PTAR1: variants seen among roughly 807,000 people sequenced by gnomAD.
PTAR1 encodes protein prenyltransferase alpha subunit repeat containing 1.
A neutral mutation model predicts 45.5 loss-of-function variants in PTAR1; 17 were observed. The ratio of observed to expected loss-of-function variants is 0.37; its 90% CI spans 0.26 to 0.56. The LOEUF (loss-of-function observed/expected upper bound fraction) is 0.56, where lower values mean the gene tolerates loss of function less well. PTAR1 is among the 20% of genes least tolerant of loss of function. The pLI, the probability that PTAR1 is intolerant of heterozygous loss-of-function variation, is 0.77. For synonymous variants in PTAR1, 169 were observed against 171.3 expected (o/e 0.99, Z 0.11); for missense variants, 391 against 476.3 (o/e 0.82, Z 1.67).
At chr9:69,734,103 C>T (rs1026201957) in intron 4 of PTAR1, 47 bp downstream of exon 4, 2 of 1,050,800 alleles carry the variant, frequency 1.9e-6, no homozygotes, top group African/African-American at 3.1e-5. Flanking sequence ...CTTTCTCCAG[C>T]CAGTCTGAAT....
rs1824721123 is a variant in PTAR1, at chr9:69,716,207, G to C, written c.*2135C>G. ...GGCCAGAATCTGGCAACATATTTTAGTGGAATGGGCTGAACCACCCATGTC... is the reference window on the plus strand; with the variant it reads ...GGCCAGAATCTGGCAACATATTTTACTGGAATGGGCTGAACCACCCATGTC... On this transcript the variant is annotated 3_prime_UTR_variant, in exon 8 of 8. Transcript: ENST00000340434. The C allele has an allele frequency of 6.6e-6, 1 of 152,082 alleles. No individual in the cohort carries two copies. Among genetic ancestry groups the C allele is most frequent in the Non-Finnish European group, 1.5e-5 (1 of 68,002 alleles). 9.4% of individuals were successfully genotyped at this position (152,082 alleles called of 1,614,324 possible).
chr9:69,736,883 C>T (rs189389622), intron 3 of PTAR1, among the ~76,000 whole-genome samples: 2 of 152,238 alleles, frequency 1.3e-5, no homozygotes, highest in Admixed American at 1.3e-4. Flanking sequence ...GAAACAACCT[C>T]AATCAATGTT....
rs187580057 is a variant in PTAR1, at chr9:69,716,370, T to G, written c.*1972A>C. 2.6e-5 allele frequency: 4 copies of G among 152,218 alleles called. No homozygotes were observed. The highest frequency in any genetic ancestry group is 2.6e-4 in the Admixed American group (4 of 15,274). The allele number at this position is 152,218 out of a possible 1,614,324, so 9.4% of individuals were successfully genotyped here. ...GTACACAAAGGGCCATGGAATTATGTTCATAATGGTATTTTTTCATCTAAA... is the reference window on the plus strand; with the variant it reads ...GTACACAAAGGGCCATGGAATTATGGTCATAATGGTATTTTTTCATCTAAA... On this transcript the variant is annotated 3_prime_UTR_variant, in exon 8 of 8. Coordinates refer to ENST00000340434, the MANE Select transcript of PTAR1 (RefSeq NM_001099666.2).
In PTAR1 at chr9:69,723,555, G is replaced by A. The variant is rs370998856; in HGVS notation, c.718C>T (p.Arg240Cys). The A allele has an allele frequency of 9.7e-5, 157 of 1,613,566 alleles. No homozygotes were observed. The highest frequency in any genetic ancestry group is 1.3e-4 in the Non-Finnish European group (150 of 1,179,678). ...HVSDHSGFHY[R>C]QFLLKSLISQ... ...ATCAAAGACTTAAGCAAAAACTGGC[G>A]GTAGTGAAATCCACTGTGGTCTGAA... Residue 240 changes from arginine (R) to cysteine (C), a missense_variant, in exon 6 of 8, where the codon CGC becomes TGC. Around this residue, in one of 5 missense-constraint regions of PTAR1, gnomAD observed 181 missense variants for 227.7 expected, o/e 0.80. Coordinates refer to ENST00000340434, the MANE Select transcript of PTAR1 (RefSeq NM_001099666.2).
Position 69,715,987 on chromosome 9 carries a change from A to C in PTAR1, c.*2355T>G, listed in dbSNP as rs1281160078. The C allele has an allele frequency of 6.6e-6, 1 of 152,122 alleles. No homozygotes were observed. The highest frequency in any genetic ancestry group is 1.5e-5 in the Non-Finnish European group (1 of 68,000). The allele number at this position is 152,122 out of a possible 1,614,324, so 9.4% of individuals were successfully genotyped here. A position where few individuals can be genotyped will look rare whatever the true frequency, so the allele number is the denominator to read the frequency against. On this transcript the variant is annotated 3_prime_UTR_variant, in exon 8 of 8. Coordinates refer to ENST00000340434, the MANE Select transcript of PTAR1 (RefSeq NM_001099666.2). ...GGGTTAAGAGCCTTAGAAGATATGA[A>C]AATAGTTTACACACCAAAGATAGGC... is the stretch of plus-strand genomic sequence containing the variant.
At chr9:69,756,282 C>T (rs1320211710) in intron 1 of PTAR1, among the ~76,000 whole-genome samples, 1 of 152,162 alleles carries the variant, frequency 6.6e-6, no homozygotes, top group Non-Finnish European at 1.5e-5. Context: ...AGTTTAAATG[C>T]TATTGCCTCA....
intron 5 of PTAR1, among the ~76,000 whole-genome samples, chr9:69,727,021 GTA>G (rs532389802): frequency 3.8e-4 from 27 of 70,514 alleles, no homozygotes; most frequent in East Asian, 2.2e-3. Flanking sequence ...TTAAAATTGT[GTA>G]TATACACACA....
chr9:69,738,461 A>G (rs922434248), intron 3 of PTAR1, among the ~76,000 whole-genome samples: 2 of 152,112 alleles, frequency 1.3e-5, no homozygotes, highest in Middle Eastern at 3.2e-3. Flanking sequence ...ACATTTGTCT[A>G]TTGTCTCTTA....
chr9:69,746,534 GCCATTT>G (rs2134152057), intron 2 of PTAR1, among the ~76,000 whole-genome samples: 1 of 152,166 alleles, frequency 6.6e-6, no homozygotes, highest in African/African-American at 2.4e-5. Flanking sequence ...TCAACAATAC[GCCATTT>G]CCTCTGCAGT....
chr9:69,728,233 T>C (rs559607854), intron 5 of PTAR1, among the ~76,000 whole-genome samples: 100 of 152,312 alleles, frequency 6.6e-4, no homozygotes, highest in Middle Eastern at 3.4e-3. Flanking sequence ...AATATGGCTA[T>C]TAATGTTCTC....
At chr9:69,748,277 T>C (rs1295645475) in intron 2 of PTAR1, among the ~76,000 whole-genome samples, 1 of 152,036 alleles carries the variant, frequency 6.6e-6, no homozygotes, top group Non-Finnish European at 1.5e-5. Flanking sequence ...ACCAGAGAGC[T>C]CTGTCCAGAA....
At chr9:69,756,794 TA>T (rs1826798696) in intron 1 of PTAR1, among the ~76,000 whole-genome samples, 1 of 152,226 alleles carries the variant, frequency 6.6e-6, no homozygotes, top group Non-Finnish European at 1.5e-5. Flanking sequence ...ACTTTTACTA[TA>T]AACTACTTTG....
intron 3 of PTAR1, among the ~76,000 whole-genome samples, chr9:69,738,455 T>C (rs1825890358): frequency 6.6e-6 from 1 of 152,184 alleles, no homozygotes; most frequent in Non-Finnish European, 1.5e-5. Context: ...AACAGAACAT[T>C]TGTCTATTGT....
Position 69,715,337 on chromosome 9 carries a change from C to A in PTAR1, c.*3005G>T, listed in dbSNP as rs1435576940. 1 of 134,830 alleles carries A rather than the reference C, an allele frequency of 7.4e-6. No individual in the cohort carries two copies. The highest frequency in any genetic ancestry group is 1.7e-5 in the Non-Finnish European group (1 of 58,942). The allele number at this position is 134,830 out of a possible 1,614,324, so 8.4% of individuals were successfully genotyped here. A position where few individuals can be genotyped will look rare whatever the true frequency, so the allele number is the denominator to read the frequency against. ...TCTCAATCATCACTCATTCTTAACA[C>A]TCACAAACAATCTTTCTCTTCCTGT... On this transcript the variant is annotated 3_prime_UTR_variant, in exon 8 of 8. Coordinates refer to ENST00000340434, the MANE Select transcript of PTAR1 (RefSeq NM_001099666.2).
rs1214612175 is a variant in PTAR1 at position 69,717,539 on chromosome 9, A to G, written c.*803T>C. The G allele has an allele frequency of 1.3e-5, 2 of 152,192 alleles. No homozygotes were observed. The highest frequency in any genetic ancestry group is 2.9e-5 in the Non-Finnish European group (2 of 68,028). 9.4% of individuals were successfully genotyped at this position (152,192 alleles called of 1,614,324 possible). A position where few individuals can be genotyped will look rare whatever the true frequency, so the allele number is the denominator to read the frequency against. On this transcript the variant is annotated 3_prime_UTR_variant, in exon 8 of 8. Coordinates refer to ENST00000340434, the MANE Select transcript of PTAR1 (RefSeq NM_001099666.2). Reference sequence around the variant, plus strand: ...GGATTACATTGGAAGCATTTTTTTCATATAAATTCCAATACTTCTGACTTT... The same window carrying G: ...GGATTACATTGGAAGCATTTTTTTCGTATAAATTCCAATACTTCTGACTTT...
rs1288042523 is a variant in PTAR1, at chr9:69,714,412, TA to T, written c.*3929del. On this transcript the variant is annotated 3_prime_UTR_variant, in exon 8 of 8. Coordinates refer to ENST00000340434, the MANE Select transcript of PTAR1 (RefSeq NM_001099666.2). Reference sequence around the variant, plus strand: ...AACTCAGGGGAACTAAGGTAGGGATTATTAGATTGTTGTACAGTAGGTGGTA... The same window carrying T: ...AACTCAGGGGAACTAAGGTAGGGATTTTAGATTGTTGTACAGTAGGTGGTA... The T allele has an allele frequency of 2.6e-5, 4 of 152,082 alleles. 1 individual carries two copies. The highest frequency in any genetic ancestry group is 7.2e-5 in the African/African-American group (3 of 41,418). The allele number at this position is 152,082 out of a possible 1,614,324, so 9.4% of individuals were successfully genotyped here. A position where few individuals can be genotyped will look rare whatever the true frequency, so the allele number is the denominator to read the frequency against.
rs1008021800 is a variant in PTAR1, at chr9:69,717,099, G to C, written c.*1243C>G. 1.1e-4 allele frequency: 17 copies of C among 152,034 alleles called. No homozygotes were observed. The highest frequency in any genetic ancestry group is 3.9e-4 in the African/African-American group (16 of 41,392). 9.4% of individuals were successfully genotyped at this position (152,034 alleles called of 1,614,324 possible). A position where few individuals can be genotyped will look rare whatever the true frequency, so the allele number is the denominator to read the frequency against. On this transcript the variant is annotated 3_prime_UTR_variant, in exon 8 of 8. Coordinates refer to ENST00000340434, the MANE Select transcript of PTAR1 (RefSeq NM_001099666.2). ...GATACGGCTATAATGTGGATACTTT[G>C]GTACCTCATCCCTGATTAAGTTCAG...
At chr9:69,759,043 T>G (rs1337555313) in intron 1 of PTAR1, among the ~76,000 whole-genome samples, 1 of 152,156 alleles carries the variant, frequency 6.6e-6, no homozygotes, top group Non-Finnish European at 1.5e-5. Context: ...TTTTCACTTG[T>G]TACATAAAAG....
chr9:69,745,156 T>A lies in PTAR1; in HGVS notation c.257-3298A>T, dbSNP rs917844867. On this transcript the variant is annotated intron_variant, in intron 2 of 7. Coordinates refer to ENST00000340434, the MANE Select transcript of PTAR1 (RefSeq NM_001099666.2). ...CATCACTGACTGACAAAGAAATGAGTATTTTCAACATAAGTAAGGAAGTCT... is the reference window on the plus strand; with the variant it reads ...CATCACTGACTGACAAAGAAATGAGAATTTTCAACATAAGTAAGGAAGTCT... Among the ~76,000 whole-genome samples the A allele has an allele frequency of 1.6e-4, 25 of 152,252 alleles. No individual in the cohort carries two copies. The South Asian group carries it at 1.7e-3, about 10-fold the overall frequency.
Sources: gnomAD v4.1 joint callset for allele counts (sites outside exome capture counted in the v4.1 genomes callset) on GRCh38, gnomAD v4.1.1 for gene constraint, gnomAD v4.1.1 regional missense constraint, MANE v1.5 for transcripts, NCBI Gene and HGNC (gene_info 2026-07-23, HGNC 2026-07-21) for gene names.